SEMA5A: variants seen among roughly 807,000 people sequenced by gnomAD.
SEMA5A encodes semaphorin-5A.
A neutral mutation model predicts 135.5 loss-of-function variants in SEMA5A; 55 were observed. That is an observed-to-expected ratio of 0.41 (90% CI 0.33 to 0.51). The LOEUF (loss-of-function observed/expected upper bound fraction) is 0.51, where lower values mean the gene tolerates loss of function less well. Among genes scored for constraint, SEMA5A ranks in the 20% least tolerant of loss-of-function variants. The pLI, the probability that SEMA5A is intolerant of heterozygous loss-of-function variation, is 0.37. For synonymous variants in SEMA5A, 580 were observed against 546.5 expected, an observed-to-expected ratio of 1.06 and a Z score of -0.85; for missense variants, 1,290 against 1,419.9, an observed-to-expected ratio of 0.91 and a Z score of 1.47.
At chr5:9,472,449 A>T (rs1364417310) in intron 1 of SEMA5A, among the ~76,000 whole-genome samples, 1 of 152,220 alleles carries the variant, frequency 6.6e-6, no homozygotes, top group Non-Finnish European at 1.5e-5. Flanking sequence ...CTTGTGTTGA[A>T]AGGACAGAGT....
intron 15 of SEMA5A, 28 bp from the exon 16 acceptor site, chr5:9,108,315 G>T (rs41283161): frequency 0.074 from 118,898 of 1,610,166 alleles, 8,082 homozygotes; most frequent in East Asian, 0.35. Context: ...AAATGACAAG[G>T]AAACTAATTA....
At chr5:9,339,853 A>G (rs1753566095) in intron 3 of SEMA5A, among the ~76,000 whole-genome samples, 1 of 152,370 alleles carries the variant, frequency 6.6e-6, no homozygotes, top group Non-Finnish European at 1.5e-5. Context: ...TGGAAAGAGT[A>G]GAGAATGGAA....
chr5:9,220,927 G>A (rs566662282), intron 8 of SEMA5A, among the ~76,000 whole-genome samples: 2 of 152,180 alleles, frequency 1.3e-5, no homozygotes, highest in Non-Finnish European at 2.9e-5. Flanking sequence ...GAAGATGGGA[G>A]TTTAAGACTG....
intron 15 of SEMA5A, among the ~76,000 whole-genome samples, chr5:9,111,076 C>T (rs1429754913): frequency 1.3e-5 from 2 of 152,198 alleles, no homozygotes; most frequent in Non-Finnish European, 2.9e-5. Context: ...AAAATTGACA[C>T]TTGTTTTGAG....
chr5:9,076,723 GA>G (rs1432211188), intron 16 of SEMA5A, among the ~76,000 whole-genome samples: 6 of 151,992 alleles, frequency 3.9e-5, no homozygotes, highest in Admixed American at 3.9e-4. Context: ...GCTTATTTAG[GA>G]CTGAATATGA....
chr5:9,128,931 C>T (rs542586670), intron 13 of SEMA5A, among the ~76,000 whole-genome samples: 1 of 152,280 alleles, frequency 6.6e-6, no homozygotes, highest in South Asian at 2.1e-4. Flanking sequence ...CCTAACACCC[C>T]CAGATGTGAC....
At chr5:9,388,469 GA>G (rs397996757) in intron 2 of SEMA5A, among the ~76,000 whole-genome samples, 5,342 of 110,378 alleles carry the variant, frequency 0.048, 106 homozygotes, top group Middle Eastern at 0.13. Flanking sequence ...TCCTTTCTAA[GA>G]AAAAAAAAAA....
At chr5:9,530,479 T>C (rs1169286243) in intron 1 of SEMA5A, among the ~76,000 whole-genome samples, 5 of 152,164 alleles carry the variant, frequency 3.3e-5, no homozygotes, top group Admixed American at 1.3e-4. Context: ...TAATAAAATG[T>C]TCTTTTTTTT....
intron 12 of SEMA5A, among the ~76,000 whole-genome samples, chr5:9,153,843 C>T (rs1742771734): frequency 6.6e-6 from 1 of 151,350 alleles, no homozygotes; most frequent in Non-Finnish European, 1.5e-5. Context: ...GTCAGGAGTT[C>T]AAGACCAGCC....
intron 13 of SEMA5A, among the ~76,000 whole-genome samples, chr5:9,135,180 T>C (rs1031673963): frequency 1.4e-5 from 1 of 70,786 alleles, no homozygotes; most frequent in African/African-American, 8.3e-5. Flanking sequence ...TCCGACTTTC[T>C]TTTTTTTTTT....
At chr5:9,080,346 A>G (rs1316847589) in intron 16 of SEMA5A, among the ~76,000 whole-genome samples, 1 of 152,186 alleles carries the variant, frequency 6.6e-6, no homozygotes, top group Non-Finnish European at 1.5e-5. Flanking sequence ...GGAGTTGAAC[A>G]ATGAGAACAC....
At chr5:9,485,689 C>A (rs908407155) in intron 1 of SEMA5A, among the ~76,000 whole-genome samples, 2 of 152,098 alleles carry the variant, frequency 1.3e-5, no homozygotes, top group Non-Finnish European at 2.9e-5. Flanking sequence ...AAAATGAGAA[C>A]CTGCTATACA....
intron 11 of SEMA5A, among the ~76,000 whole-genome samples, chr5:9,169,241 G>A (rs769231174): frequency 5.9e-5 from 9 of 152,170 alleles, no homozygotes; most frequent in Non-Finnish European, 1.0e-4. Context: ...CTTGATTGTG[G>A]TGATGATTTC....
intron 2 of SEMA5A, among the ~76,000 whole-genome samples, chr5:9,436,325 G>C (rs891159157): frequency 1.3e-5 from 2 of 152,196 alleles, no homozygotes; most frequent in African/African-American, 4.8e-5. Context: ...GGTTCTCCAT[G>C]GGGGAGGGAA....
intron 2 of SEMA5A, among the ~76,000 whole-genome samples, chr5:9,386,608 G>A (rs1214566165): frequency 2.0e-5 from 3 of 152,092 alleles, no homozygotes; most frequent in African/African-American, 7.2e-5. Flanking sequence ...GTCACACCAT[G>A]GTGGCTGACA....
At chr5:9,154,045 CAAA>C (rs1157417525) in intron 12 of SEMA5A, among the ~76,000 whole-genome samples, 1,084 of 34,054 alleles carry the variant, frequency 0.032, 34 homozygotes, top group African/African-American at 0.13. Context: ...GACTGTGTCT[CAAA>C]AAAAAAAAAA....
At chr5:9,197,777 TGTGTG>T (rs1561011334) in intron 9 of SEMA5A, among the ~76,000 whole-genome samples, 1 of 123,412 alleles carries the variant, frequency 8.1e-6, no homozygotes, top group Non-Finnish European at 1.7e-5. Context: ...TGTGTGTGTG[TGTGTG>T]TGTTTTAACC....
intron 1 of SEMA5A, among the ~76,000 whole-genome samples, chr5:9,501,606 C>T (rs34965382): frequency 0.15 from 23,331 of 152,066 alleles, 1,897 homozygotes; most frequent in Non-Finnish European, 0.17. Flanking sequence ...AGAGAAGGAA[C>T]GACCAGCTCC....
At chr5:9,259,647 G>C (rs975154049) in intron 5 of SEMA5A, among the ~76,000 whole-genome samples, 4 of 151,562 alleles carry the variant, frequency 2.6e-5, no homozygotes, top group Non-Finnish European at 5.9e-5. Context: ...TGACTACTGG[G>C]TACATAACGA....
Sources: gnomAD v4.1 joint callset for allele counts (sites outside exome capture counted in the v4.1 genomes callset) on GRCh38, gnomAD v4.1.1 for gene constraint, MANE v1.5 for transcripts, NCBI Gene and HGNC (gene_info 2026-07-23, HGNC 2026-07-21) for gene names.